GPC5: variants seen among roughly 807,000 people sequenced by gnomAD.
GPC5 encodes glypican-5.
GPC5 carries 47 observed loss-of-function variants against 53.9 expected under a neutral mutation model. The observed-to-expected ratio is 0.87, with a 90% CI of 0.69 to 1.11. The LOEUF (loss-of-function observed/expected upper bound fraction) is 1.11, where lower values mean the gene tolerates loss of function less well. Among genes scored for constraint, GPC5 ranks in the 50% most tolerant of loss-of-function variants. GPC5 has a pLI of 0.00. For missense variants in GPC5, 748 were observed against 713.1 expected (o/e 1.05, Z -0.56); for synonymous variants, 286 against 263.3 (o/e 1.09, Z -0.84).
intron 2 of GPC5, among the ~76,000 whole-genome samples, chr13:91,578,378 A>G (rs1190959006): frequency 6.6e-6 from 1 of 152,200 alleles, no homozygotes; most frequent in East Asian, 1.9e-4. Context: ...TGTCTTATGC[A>G]GCACTAGGTT....
At chr13:91,591,614 T>C (rs2032802082) in intron 2 of GPC5, among the ~76,000 whole-genome samples, 1 of 152,238 alleles carries the variant, frequency 6.6e-6, no homozygotes, top group Non-Finnish European at 1.5e-5. Context: ...CCATGTGTCT[T>C]GGAAGTTTTG....
intron 7 of GPC5, among the ~76,000 whole-genome samples, chr13:92,833,010 C>CA (rs1173092536): frequency 6.6e-6 from 1 of 151,868 alleles, no homozygotes; most frequent in East Asian, 1.9e-4. Context: ...CGTCTCAAAA[C>CA]AAACAAAACA....
At chr13:91,715,224 T>C (rs1407564976) in intron 3 of GPC5, among the ~76,000 whole-genome samples, 1 of 152,180 alleles carries the variant, frequency 6.6e-6, no homozygotes, top group Non-Finnish European at 1.5e-5. Context: ...TTTTAGCTAG[T>C]TGTTAATTTG....
Position 92,841,313 on chromosome 13 carries a change from C to T in GPC5, c.1562-24969C>T, listed in dbSNP as rs77143890. 0.025 allele frequency among the ~76,000 whole-genome samples: 3,873 copies of T among 152,004 alleles called. 384 individuals carry two copies. The East Asian group carries it at 0.33, about 13-fold the overall frequency. ...CCTAGTTTTAAATTCAGCAATTTAACGATAGAAGAAATAAAGAGAATCTTT... is the reference window on the plus strand; with the variant it reads ...CCTAGTTTTAAATTCAGCAATTTAATGATAGAAGAAATAAAGAGAATCTTT... On this transcript the variant is annotated intron_variant, in intron 7 of 7. Transcript: ENST00000377067.
At position 91,567,252 on chromosome 13, in the gene GPC5, A is replaced by C. The variant is rs554066525; in HGVS notation, c.325+118330A>C. 6.1e-4 allele frequency among the ~76,000 whole-genome samples: 93 copies of C among 152,220 alleles called. 1 individual carries two copies. Among genetic ancestry groups the C allele is most frequent in the Middle Eastern group, 6.8e-3 (2 of 294 alleles). On this transcript the variant is annotated intron_variant, in intron 2 of 7. Transcript: ENST00000377067. ...ACGTGGTATATATGAAGGAAGCTGC[A>C]TGTGTATTTGTGTATGTGTGCCTGT... is the stretch of plus-strand genomic sequence containing the variant.
At chr13:91,800,464 C>T (rs1355697461) in intron 5 of GPC5, among the ~76,000 whole-genome samples, 1 of 127,594 alleles carries the variant, frequency 7.8e-6, no homozygotes, top group Non-Finnish European at 1.6e-5. Flanking sequence ...CATACTAAGA[C>T]CCAGAGAGAG....
chr13:92,558,475 G>C (rs1882578300), intron 7 of GPC5, among the ~76,000 whole-genome samples: 1 of 152,010 alleles, frequency 6.6e-6, no homozygotes. Context: ...CATTTGTGCA[G>C]TTATTATAGT....
At chr13:91,562,585 C>T (rs1410386954) in intron 2 of GPC5, among the ~76,000 whole-genome samples, 1 of 150,042 alleles carries the variant, frequency 6.7e-6, no homozygotes, top group Non-Finnish European at 1.5e-5. Flanking sequence ...TCCTGAGTAG[C>T]TGGGATTACA....
intron 7 of GPC5, among the ~76,000 whole-genome samples, chr13:92,671,262 T>C (rs1387403445): frequency 6.6e-6 from 1 of 152,170 alleles, no homozygotes; most frequent in African/African-American, 2.4e-5. Flanking sequence ...GAAGGCCTTG[T>C]AATCCATGGT....
In GPC5 at chr13:92,787,667, C is replaced by CAAAAAAAAAAAAAAAAAAAAA. The variant is rs71202562; in HGVS notation, c.1562-78599_1562-78598insAAAAAAAAAAAAAAAAAAAAA. On this transcript the variant is annotated intron_variant, in intron 7 of 7. Transcript: ENST00000377067. ...GGGCAACAGAGAGACCTCATAGCTA[C>CAAAAAAAAAAAAAAAAAAAAA]AAAAAAAAAAAAAAAAGAAAAGAAA... Among the ~76,000 whole-genome samples the CAAAAAAAAAAAAAAAAAAAAA allele has an allele frequency of 3.4e-4, 19 of 56,184 alleles. No homozygotes were observed. In the East Asian group the frequency reaches 8.2e-3, roughly 24 times the overall value. 36.9% of individuals were successfully genotyped at this position (56,184 alleles called of 152,430 possible). A position where few individuals can be genotyped will look rare whatever the true frequency, so the allele number is the denominator to read the frequency against.
At chr13:92,362,661 C>T (rs949473219) in intron 7 of GPC5, among the ~76,000 whole-genome samples, 3 of 151,682 alleles carry the variant, frequency 2.0e-5, no homozygotes, top group African/African-American at 4.9e-5. Flanking sequence ...TTTTGATGGC[C>T]CTTTGGTTTC....
At chr13:91,458,028 A>C (rs1881676033) in intron 2 of GPC5, among the ~76,000 whole-genome samples, 1 of 152,172 alleles carries the variant, frequency 6.6e-6, no homozygotes, top group Non-Finnish European at 1.5e-5. Context: ...AGAAAAATAT[A>C]TAGAGCAGAG....
chr13:91,427,047 G>A (rs1305456096), intron 1 of GPC5, among the ~76,000 whole-genome samples: 2 of 152,332 alleles, frequency 1.3e-5, no homozygotes, highest in East Asian at 1.9e-4. Context: ...GATTTCAGGA[G>A]CTGTATGGAA....
At chr13:91,751,210 A>G (rs142796994) in intron 4 of GPC5, among the ~76,000 whole-genome samples, 64 of 152,350 alleles carry the variant, frequency 4.2e-4, no homozygotes, top group African/African-American at 1.5e-3. Flanking sequence ...CATCTTAATA[A>G]TAACACAGAC....
intron 6 of GPC5, among the ~76,000 whole-genome samples, chr13:91,978,708 A>C (rs2040330564): frequency 6.6e-6 from 1 of 152,198 alleles, no homozygotes; most frequent in South Asian, 2.1e-4. Flanking sequence ...TTTTATTTTA[A>C]ATGCATTAAA....
intron 7 of GPC5, among the ~76,000 whole-genome samples, chr13:92,172,773 T>C (rs73622761): frequency 0.013 from 1,929 of 152,244 alleles, 54 homozygotes; most frequent in African/African-American, 0.043. Flanking sequence ...TTTATTTCCA[T>C]TGAAACTGGA....
At chr13:91,963,209 A>C (rs2040142911) in intron 6 of GPC5, among the ~76,000 whole-genome samples, 2 of 152,288 alleles carry the variant, frequency 1.3e-5, no homozygotes, top group Admixed American at 1.3e-4. Context: ...TTAGGAATGA[A>C]GCAATATGAA....
At chr13:91,539,095 T>C (rs2138728060) in intron 2 of GPC5, among the ~76,000 whole-genome samples, 1 of 152,338 alleles carries the variant, frequency 6.6e-6, no homozygotes, top group Middle Eastern at 3.4e-3. Flanking sequence ...GTTTCCTAAT[T>C]ACATAACTAA....
intron 6 of GPC5, among the ~76,000 whole-genome samples, chr13:92,126,248 T>C (rs896613427): frequency 5.3e-5 from 8 of 152,068 alleles, no homozygotes; most frequent in African/African-American, 1.9e-4. Flanking sequence ...CCACCGCACC[T>C]GGCCAAAATA....
Sources: allele counts gnomAD v4.1 joint callset (sites outside exome capture counted in the v4.1 genomes callset), GRCh38; gene constraint gnomAD v4.1.1; transcripts MANE v1.5; gene names NCBI Gene and HGNC (gene_info 2026-07-23, HGNC 2026-07-21).